PCDHGA8: variants seen among roughly 807,000 people sequenced by gnomAD.
PCDHGA8 encodes the protein protocadherin gamma subfamily A, 8, also known as protocadherin gamma-A8.
A neutral mutation model predicts 59.2 loss-of-function variants in PCDHGA8; 45 were observed. The observed-to-expected ratio is 0.76, with a 90% CI of 0.60 to 0.98. PCDHGA8 has a LOEUF of 0.98. PCDHGA8 is among the 50% of genes least tolerant of loss of function. PCDHGA8 has a pLI of 0.00. For synonymous variants in PCDHGA8, 531 were observed against 519.0 expected (o/e 1.02, Z -0.32); for missense variants, 1,257 against 1,196.2 (o/e 1.05, Z -0.75).
Position 141,477,283 on chromosome 5 carries a change from C to T in PCDHGA8, c.2425-17524C>T, listed in dbSNP as rs766672047. The T allele has an allele frequency of 9.3e-6, 15 of 1,614,076 alleles. No homozygotes were observed. The highest frequency in any genetic ancestry group is 2.7e-5 in the African/African-American group (2 of 74,924). On this transcript the variant is annotated intron_variant, in intron 1 of 3. Coordinates refer to ENST00000398604, the MANE Select transcript of PCDHGA8 (RefSeq NM_032088.2). The surrounding 1 kb of genome is among the most constrained non-coding windows in gnomAD (Gnocchi z 4.9). ...CTGGCGAGAACGGGCTGGTGACCTG[C>T]GAAGTTCCACCGGGTCTCCCTTTCA... is the stretch of plus-strand genomic sequence containing the variant.
Position 141,486,695 on chromosome 5 carries a change from A to T in PCDHGA8, c.2425-8112A>T. On this transcript the variant is annotated intron_variant, in intron 1 of 3. Coordinates refer to ENST00000398604, the MANE Select transcript of PCDHGA8 (RefSeq NM_032088.2). The surrounding 1 kb of genome is among the most constrained non-coding windows in gnomAD (Gnocchi z 5.0). ...TCGAGATGTATCAGCTTCCTCTTTC[A>T]TCTCTCTGAACCCCCAGACAGGAGC... The T allele has an allele frequency of 6.2e-7, 1 of 1,613,912 alleles. No homozygotes were observed. The highest frequency in any genetic ancestry group is 8.5e-7 in the Non-Finnish European group (1 of 1,179,980).
intron 1 of PCDHGA8, chr5:141,395,508 A>T: frequency 2.2e-6 from 1 of 461,184 alleles, no homozygotes. Context: ...CTTAAGAAGT[A>T]GCTACCCGTC....
At position 141,486,634 on chromosome 5, in the gene PCDHGA8, T is replaced by C; in HGVS notation, c.2425-8173T>C. 1 of 1,613,762 alleles carries C rather than the reference T, an allele frequency of 6.2e-7. No individual in the cohort carries two copies. The highest frequency in any genetic ancestry group is 8.5e-7 in the Non-Finnish European group (1 of 1,180,044). ...CCTCTGACCCAGACTCTGGCTTGAA[T>C]GCGCTTATCTCCTACTCACTCCTGG... On this transcript the variant is annotated intron_variant, in intron 1 of 3. Coordinates refer to ENST00000398604, the MANE Select transcript of PCDHGA8 (RefSeq NM_032088.2). The surrounding 1 kb of genome is among the most constrained non-coding windows in gnomAD (Gnocchi z 5.0).
chr5:141,430,944 G>C (rs1417018095), intron 1 of PCDHGA8: 1 of 1,609,214 alleles, frequency 6.2e-7, no homozygotes, highest in Non-Finnish European at 8.5e-7. Flanking sequence ...CTCGCGGAGC[G>C]CGGAGTCCGC....
At chr5:141,399,763 G>A (rs753865606) in intron 1 of PCDHGA8, 8 of 1,613,378 alleles carry the variant, frequency 5.0e-6, no homozygotes, top group Admixed American at 1.7e-5. Context: ...GAGCCTGCGC[G>A]TGTTGGTGGG....
chr5:141,414,377 C>T (rs2095740461), intron 1 of PCDHGA8: 1 of 1,613,760 alleles, frequency 6.2e-7, no homozygotes, highest in South Asian at 1.1e-5. Context: ...TTAGAAAAGT[C>T]CATTGACAGT....
chr5:141,503,960 T>TTC (rs2099834474), intron 2 of PCDHGA8, among the ~76,000 whole-genome samples: 1 of 152,172 alleles, frequency 6.6e-6, no homozygotes, highest in Admixed American at 6.5e-5. Flanking sequence ...CCTACAGCCT[T>TTC]TCCCATGGTG....
intron 1 of PCDHGA8, among the ~76,000 whole-genome samples, chr5:141,401,772 G>T (rs756327304): frequency 6.6e-6 from 1 of 152,126 alleles, no homozygotes; most frequent in Non-Finnish European, 1.5e-5. Context: ...TAAGTCTTTT[G>T]CTTGGTTTCC....
chr5:141,437,978 C>T (rs1014157103), intron 1 of PCDHGA8, among the ~76,000 whole-genome samples: 2 of 152,212 alleles, frequency 1.3e-5, no homozygotes, highest in East Asian at 1.9e-4. Context: ...TCTTGGGATG[C>T]ACCCACCCCA....
At chr5:141,451,607 C>T (rs2154563647) in intron 1 of PCDHGA8, among the ~76,000 whole-genome samples, 1 of 152,288 alleles carries the variant, frequency 6.6e-6, no homozygotes, top group Non-Finnish European at 1.5e-5. Context: ...CAAGGCTAGG[C>T]ATGGTGGCTC....
intron 1 of PCDHGA8, chr5:141,404,978 G>C: frequency 6.2e-7 from 1 of 1,613,976 alleles, no homozygotes; most frequent in Non-Finnish European, 8.5e-7. Context: ...GGCTGACCTG[G>C]GCAGTCTTCA....
intron 1 of PCDHGA8, among the ~76,000 whole-genome samples, chr5:141,454,907 A>T (rs1304287479): frequency 1.4e-5 from 2 of 139,080 alleles, no homozygotes; most frequent in East Asian, 4.3e-4. Context: ...TCCCGGGTTC[A>T]CGCCATTCTC....
intron 1 of PCDHGA8, chr5:141,400,510 T>C: frequency 6.2e-7 from 1 of 1,613,972 alleles, no homozygotes; most frequent in Non-Finnish European, 8.5e-7. Context: ...CGAGTCGACT[T>C]CCCATCCTGA....
At chr5:141,503,620 A>C (rs1475731896) in intron 2 of PCDHGA8, among the ~76,000 whole-genome samples, 1 of 152,026 alleles carries the variant, frequency 6.6e-6, no homozygotes, top group East Asian at 1.9e-4. Flanking sequence ...AAAAAGAAAA[A>C]AGAAAAGAAA....
In PCDHGA8 at chr5:141,485,961, A is replaced by C. The variant is rs766687554; in HGVS notation, c.2425-8846A>C. ...GCACCAGCGGGCATGGTGCTCATCC[A>C]GCTCAATGCCTCAGACCCGGACCTG... On this transcript the variant is annotated intron_variant, in intron 1 of 3. Coordinates refer to ENST00000398604, the MANE Select transcript of PCDHGA8 (RefSeq NM_032088.2). The surrounding 1 kb of genome is among the most constrained non-coding windows in gnomAD (Gnocchi z 5.7). 6.2e-7 allele frequency: 1 copy of C among 1,614,204 alleles called. No homozygotes were observed. The highest frequency in any genetic ancestry group is 1.1e-5 in the South Asian group (1 of 91,090).
intron 1 of PCDHGA8, among the ~76,000 whole-genome samples, chr5:141,406,715 A>G (rs2094843333): frequency 6.6e-6 from 1 of 152,252 alleles, no homozygotes; most frequent in Non-Finnish European, 1.5e-5. Flanking sequence ...CTTGCTCAAG[A>G]GAAGTTTCTA....
At chr5:141,414,496 C>T in intron 1 of PCDHGA8, 7 of 1,613,956 alleles carry the variant, frequency 4.3e-6, no homozygotes, top group Middle Eastern at 1.6e-4. Flanking sequence ...AACGGAAGCT[C>T]ACTTTATGCT....
chr5:141,441,631 C>A, intron 1 of PCDHGA8: 2 of 226,308 alleles, frequency 8.8e-6, no homozygotes, highest in Non-Finnish European at 1.8e-5. Context: ...GACCTGGAGC[C>A]ACAGGCGCTG....
At chr5:141,496,164 C>T (rs745320704) in intron 2 of PCDHGA8, among the ~76,000 whole-genome samples, 1 of 152,084 alleles carries the variant, frequency 6.6e-6, no homozygotes, top group Non-Finnish European at 1.5e-5. Context: ...CCACCAGACA[C>T]CCTCCCATCC....
Sources: gnomAD v4.1 joint callset for allele counts (sites outside exome capture counted in the v4.1 genomes callset) on GRCh38, gnomAD v4.1.1 for gene constraint, Gnocchi (gnomAD v3.1) non-coding constraint, MANE v1.5 for transcripts, NCBI Gene and HGNC (gene_info 2026-07-23, HGNC 2026-07-21) for gene names.